Variants in AGBL4 observed in about 807,000 individuals in gnomAD.
AGBL4 encodes the protein cytosolic carboxypeptidase 6.
A neutral mutation model predicts 66.4 loss-of-function variants in AGBL4; 58 were observed. The ratio of observed to expected loss-of-function variants is 0.87; its 90% CI spans 0.71 to 1.09. The LOEUF (loss-of-function observed/expected upper bound fraction) is 1.09. Ranked by LOEUF, AGBL4 falls within the 50% of genes least tolerant of loss-of-function variation. The pLI is 0.00. For synonymous variants in AGBL4, 234 were observed against 222.9 expected, an observed-to-expected ratio of 1.05 and a Z score of -0.44; for missense variants, 579 against 631.0, an observed-to-expected ratio of 0.92 and a Z score of 0.88.
At chr1:48,536,832 C>T (rs1643979525) in intron 12 of AGBL4, among the ~76,000 whole-genome samples, 3 of 152,162 alleles carry the variant, frequency 2.0e-5, no homozygotes, top group Non-Finnish European at 4.4e-5. Flanking sequence ...GCGACTATAC[C>T]ACTGTGTGCT....
At chr1:49,834,628 T>C (rs1387363474) in intron 2 of AGBL4, among the ~76,000 whole-genome samples, 1 of 152,120 alleles carries the variant, frequency 6.6e-6, no homozygotes, top group Non-Finnish European at 1.5e-5. Context: ...TTTTAAATGT[T>C]TTCTTTTGAT....
intron 3 of AGBL4, among the ~76,000 whole-genome samples, chr1:49,661,197 T>C (rs1363767108): frequency 6.6e-6 from 1 of 152,082 alleles, no homozygotes; most frequent in East Asian, 1.9e-4. Context: ...AAATTCAACA[T>C]AACTAGTCAT....
chr1:49,217,891 G>T (rs1649209660), intron 4 of AGBL4, among the ~76,000 whole-genome samples: 1 of 152,028 alleles, frequency 6.6e-6, no homozygotes, highest in African/African-American at 2.4e-5. Flanking sequence ...GATCTTAAAG[G>T]CCCTCTAATC....
the AGBL4 span, among the ~76,000 whole-genome samples, chr1:48,526,763 G>T: frequency 6.6e-6 from 1 of 151,742 alleles, no homozygotes; most frequent in African/African-American, 2.4e-5. Flanking sequence ...AACAGCAGAA[G>T]TAGTAGTTAT....
chr1:49,006,460 G>A (rs894062819), intron 5 of AGBL4, among the ~76,000 whole-genome samples: 66 of 152,316 alleles, frequency 4.3e-4, no homozygotes, highest in African/African-American at 1.4e-3. Context: ...AGGGGCGCCC[G>A]CCATTGCCCA....
chr1:49,831,672 C>A (rs1163593098), intron 2 of AGBL4, among the ~76,000 whole-genome samples: 1 of 152,166 alleles, frequency 6.6e-6, no homozygotes, highest in Non-Finnish European at 1.5e-5. Context: ...TGAGAGAAGG[C>A]ATCCTTGTCC....
intron 3 of AGBL4, among the ~76,000 whole-genome samples, chr1:49,643,043 A>T (rs1343976415): frequency 1.3e-5 from 2 of 152,058 alleles, no homozygotes; most frequent in Non-Finnish European, 2.9e-5. Context: ...ATATTAAACC[A>T]GTTAACTCTT....
At chr1:49,707,045 A>G (rs1647258805) in intron 2 of AGBL4, among the ~76,000 whole-genome samples, 1 of 152,260 alleles carries the variant, frequency 6.6e-6, no homozygotes, top group Non-Finnish European at 1.5e-5. Flanking sequence ...AGAGTTCTGT[A>G]CATGTCTATT....
chr1:49,667,987 T>C (rs1356024650), intron 3 of AGBL4, among the ~76,000 whole-genome samples: 2 of 152,164 alleles, frequency 1.3e-5, no homozygotes, highest in African/African-American at 4.8e-5. Flanking sequence ...ATTAATGTGT[T>C]GTGAAGATGC....
At chr1:49,711,764 T>G (rs948994011) in intron 2 of AGBL4, among the ~76,000 whole-genome samples, 1 of 152,050 alleles carries the variant, frequency 6.6e-6, no homozygotes, top group Non-Finnish European at 1.5e-5. Flanking sequence ...CTTATACCTC[T>G]CCACTATCTC....
intron 5 of AGBL4, among the ~76,000 whole-genome samples, chr1:49,004,857 C>A (rs1661658199): frequency 6.6e-6 from 1 of 152,106 alleles, no homozygotes; most frequent in Non-Finnish European, 1.5e-5. Flanking sequence ...TGAAATATAC[C>A]TTGACCTTTG....
At chr1:48,771,399 T>C (rs987361578) in intron 6 of AGBL4, among the ~76,000 whole-genome samples, 28 of 152,306 alleles carry the variant, frequency 1.8e-4, no homozygotes, top group African/African-American at 6.7e-4. Context: ...AAAAAGCAAC[T>C]TGCCTGGGAC....
chr1:48,813,134 A>G (rs935340639), intron 6 of AGBL4, among the ~76,000 whole-genome samples: 1 of 152,154 alleles, frequency 6.6e-6, no homozygotes, highest in Non-Finnish European at 1.5e-5. Flanking sequence ...ATGGAGTGAT[A>G]AGTGCTTTGA....
intron 4 of AGBL4, among the ~76,000 whole-genome samples, chr1:49,221,037 G>A (rs1649456645): frequency 6.6e-6 from 1 of 152,058 alleles, no homozygotes; most frequent in African/African-American, 2.4e-5. Flanking sequence ...GTCTCCAATA[G>A]CTCACAATCA....
intron 3 of AGBL4, among the ~76,000 whole-genome samples, chr1:49,446,031 T>C (rs984533583): frequency 3.9e-5 from 6 of 152,074 alleles, no homozygotes; most frequent in African/African-American, 1.4e-4. Context: ...TTTGCATTTT[T>C]AGTAGAGACA....
chr1:48,934,990 G>A (rs1240711901), intron 5 of AGBL4, among the ~76,000 whole-genome samples: 10 of 152,116 alleles, frequency 6.6e-5, no homozygotes, highest in South Asian at 4.2e-4. Context: ...ATTTTCAGTC[G>A]TTCATTCATT....
intron 5 of AGBL4, among the ~76,000 whole-genome samples, chr1:48,955,708 G>A (rs1657394319): frequency 6.6e-6 from 1 of 152,038 alleles, no homozygotes; most frequent in South Asian, 2.1e-4. Flanking sequence ...TGTTTACCTT[G>A]GTATAATTGA....
chr1:48,942,316 G>C (rs546603581), intron 5 of AGBL4, among the ~76,000 whole-genome samples: 6 of 151,918 alleles, frequency 3.9e-5, no homozygotes, highest in Non-Finnish European at 7.4e-5. Flanking sequence ...GTGGTGGGGG[G>C]GGGGGGTTGT....
intron 11 of AGBL4, among the ~76,000 whole-genome samples, chr1:48,558,897 TTG>T (rs1644358339): frequency 6.6e-6 from 1 of 152,232 alleles, no homozygotes; most frequent in Non-Finnish European, 1.5e-5. Context: ...ATGTTGGAGT[TTG>T]TTTCATCACA....
Sources: allele counts gnomAD v4.1 joint callset (sites outside exome capture counted in the v4.1 genomes callset), GRCh38; gene constraint gnomAD v4.1.1; transcripts MANE v1.5; gene names NCBI Gene and HGNC (gene_info 2026-07-23, HGNC 2026-07-21).